LRMDA: variants seen among roughly 807,000 people sequenced by gnomAD.
LRMDA encodes leucine-rich melanocyte differentiation-associated protein.
LRMDA carries 18 observed loss-of-function variants against 29.8 expected under a neutral mutation model. That is an observed-to-expected ratio of 0.60 (90% CI 0.42 to 0.90). The LOEUF (loss-of-function observed/expected upper bound fraction) is 0.90, where lower values mean the gene tolerates loss of function less well. Among genes scored for constraint, LRMDA ranks in the 40% least tolerant of loss-of-function variants. The pLI is 0.00. For synonymous variants in LRMDA, 125 were observed against 109.4 expected (o/e 1.14, Z -0.89); for missense variants, 273 against 273.9 (o/e 1.00, Z 0.02).
chr10:75,888,281 C>T (rs776409842), intron 2 of LRMDA, among the ~76,000 whole-genome samples: 10 of 152,112 alleles, frequency 6.6e-5, no homozygotes, highest in East Asian at 5.8e-4. Context: ...TGACACTCTC[C>T]GCGTATGATG....
Position 75,813,313 on chromosome 10 carries a change from G to A in LRMDA, c.132-222695G>A, listed in dbSNP as rs1225399328. Among the ~76,000 whole-genome samples the A allele has an allele frequency of 5.3e-5, 8 of 152,150 alleles. No individual in the cohort carries two copies. In the South Asian group the frequency reaches 8.3e-4, roughly 16 times the overall value. On this transcript the variant is annotated intron_variant, in intron 2 of 6. Coordinates refer to ENST00000611255, the MANE Select transcript of LRMDA (RefSeq NM_001305581.2). Reference sequence around the variant, plus strand: ...TCCACTCAGAGTTGCTTCCAGTGCCGACCCACGGGGAGAAACTACCAGACC... The same window carrying A: ...TCCACTCAGAGTTGCTTCCAGTGCCAACCCACGGGGAGAAACTACCAGACC...
At chr10:75,455,368 C>T (rs994431121) in intron 2 of LRMDA, among the ~76,000 whole-genome samples, 1 of 152,162 alleles carries the variant, frequency 6.6e-6, no homozygotes, top group South Asian at 2.1e-4. Context: ...GAGTTGGGTT[C>T]CCAGCACGTG....
intron 2 of LRMDA, among the ~76,000 whole-genome samples, chr10:75,733,187 C>T (rs184248427): frequency 1.0e-3 from 152 of 152,300 alleles, no homozygotes; most frequent in Middle Eastern, 3.4e-3. Context: ...GACAGCCATG[C>T]CCAGGCCTCT....
chr10:75,886,332 GA>G (rs1400531373), intron 2 of LRMDA, among the ~76,000 whole-genome samples: 2 of 152,200 alleles, frequency 1.3e-5, no homozygotes, highest in Non-Finnish European at 2.9e-5. Context: ...AGTCATAAAT[GA>G]ATTGCACATG....
At chr10:76,093,640 G>A (rs1005447644) in intron 5 of LRMDA, among the ~76,000 whole-genome samples, 2 of 151,608 alleles carry the variant, frequency 1.3e-5, no homozygotes, top group African/African-American at 4.9e-5. Flanking sequence ...GTCTTGTCCC[G>A]ATTCCTTTAC....
chr10:76,276,047 A>ATCTG (rs893956838), intron 5 of LRMDA, among the ~76,000 whole-genome samples: 2 of 144,912 alleles, frequency 1.4e-5, no homozygotes, highest in Non-Finnish European at 3.0e-5. Context: ...CTATCTATCT[A>ATCTG]TCTATCTCTT....
intron 1 of LRMDA, among the ~76,000 whole-genome samples, chr10:75,436,325 A>T (rs1345036841): frequency 6.6e-6 from 1 of 152,318 alleles, no homozygotes; most frequent in South Asian, 2.1e-4. Flanking sequence ...CTAAAACTCA[A>T]CGTCTCTGCT....
intron 5 of LRMDA, among the ~76,000 whole-genome samples, chr10:76,174,544 CATT>C (rs1209744274): frequency 1.3e-5 from 2 of 152,182 alleles, no homozygotes; most frequent in Non-Finnish European, 2.9e-5. Flanking sequence ...ATCTTATCCT[CATT>C]GTTGTAGAGC....
At chr10:76,351,135 A>G (rs2132432074) in intron 6 of LRMDA, among the ~76,000 whole-genome samples, 1 of 152,250 alleles carries the variant, frequency 6.6e-6, no homozygotes, top group East Asian at 1.9e-4. Context: ...GCACTTATTG[A>G]TGCAAAGAAT....
chr10:76,431,054 G>A (rs912091333), intron 6 of LRMDA, among the ~76,000 whole-genome samples: 1 of 152,160 alleles, frequency 6.6e-6, no homozygotes, highest in African/African-American at 2.4e-5. Context: ...AATTTTACAA[G>A]TGGAGCTTTA....
At chr10:75,630,114 T>C (rs947316411) in intron 2 of LRMDA, among the ~76,000 whole-genome samples, 2 of 152,250 alleles carry the variant, frequency 1.3e-5, no homozygotes, top group African/African-American at 4.8e-5. Flanking sequence ...ATTTGCCTGA[T>C]GGAAGGCCTG....
chr10:76,373,365 G>A (rs1841477971), intron 6 of LRMDA, among the ~76,000 whole-genome samples: 1 of 151,970 alleles, frequency 6.6e-6, no homozygotes, highest in Non-Finnish European at 1.5e-5. Context: ...CTTGCTTATT[G>A]CAAACAGCAA....
intron 2 of LRMDA, among the ~76,000 whole-genome samples, chr10:76,006,383 T>G (rs541443463): frequency 3.3e-4 from 50 of 152,308 alleles, no homozygotes; most frequent in African/African-American, 1.1e-3. Flanking sequence ...AGAACCGTTT[T>G]GCCTCTGTCC....
chr10:75,938,095 T>C (rs946096949), intron 2 of LRMDA, among the ~76,000 whole-genome samples: 4 of 152,204 alleles, frequency 2.6e-5, no homozygotes, highest in Admixed American at 2.6e-4. Flanking sequence ...AAGGACTTTT[T>C]CCAGTGACTG....
In LRMDA at chr10:76,557,253, G is replaced by A. The variant is rs1843569947; in HGVS notation, c.646G>A (p.Glu216Lys). 1 of 1,614,150 alleles carries A rather than the reference G, an allele frequency of 6.2e-7. No homozygotes were observed. The highest frequency in any genetic ancestry group is 8.5e-7 in the Non-Finnish European group (1 of 1,180,014). ...CRYVYYGKNS[E>K]GNRFIRDDQL ...CTACGTTTACTATGGGAAAAACTCA[G>A]AGGGCAACAGGTTTATCCGAGATGA... Residue 216 changes from glutamate to lysine, a missense_variant, in exon 7 of 7, where the codon GAG becomes AAG. Coordinates refer to ENST00000611255, the MANE Select transcript of LRMDA (RefSeq NM_001305581.2).
intron 6 of LRMDA, among the ~76,000 whole-genome samples, chr10:76,349,891 A>G (rs1013695345): frequency 6.6e-6 from 1 of 152,146 alleles, no homozygotes; most frequent in African/African-American, 2.4e-5. Flanking sequence ...GCTCAGATCA[A>G]TATGAACTAT....
At chr10:76,484,372 A>G (rs1163972707) in intron 6 of LRMDA, among the ~76,000 whole-genome samples, 1 of 151,888 alleles carries the variant, frequency 6.6e-6, no homozygotes, top group Non-Finnish European at 1.5e-5. Flanking sequence ...TTAGGGTAGC[A>G]ATGAAACAAT....
At chr10:75,458,980 A>G (rs1844553207) in intron 2 of LRMDA, among the ~76,000 whole-genome samples, 1 of 146,308 alleles carries the variant, frequency 6.8e-6, no homozygotes, top group Non-Finnish European at 1.5e-5. Context: ...GTTCAGTTGT[A>G]ACTTCAGGGT....
intron 2 of LRMDA, among the ~76,000 whole-genome samples, chr10:75,670,682 C>T (rs1326953268): frequency 6.6e-6 from 1 of 152,082 alleles, no homozygotes; most frequent in Non-Finnish European, 1.5e-5. Context: ...CTCTCCTTCC[C>T]GTTTGTCTTA....
Sources: allele counts gnomAD v4.1 joint callset (sites outside exome capture counted in the v4.1 genomes callset), GRCh38; gene constraint gnomAD v4.1.1; transcripts MANE v1.5; gene names NCBI Gene and HGNC (gene_info 2026-07-23, HGNC 2026-07-21).